TAFA1: variants seen among roughly 807,000 people sequenced by gnomAD.
The protein encoded by TAFA1 is TAFA chemokine like family member 1.
TAFA1 carries 4 observed loss-of-function variants against 18.5 expected under a neutral mutation model. The observed-to-expected ratio is 0.22, with a 90% CI of 0.11 to 0.49. TAFA1 has a LOEUF of 0.49. Ranked by LOEUF, TAFA1 falls within the 20% of genes least tolerant of loss-of-function variation. The pLI is 0.98. For synonymous variants in TAFA1, 56 were observed against 55.2 expected (o/e 1.01, Z -0.06); for missense variants, 147 against 169.0 (o/e 0.87, Z 0.72).
chr3:68,483,877 C>T (rs565048722), intron 3 of TAFA1, among the ~76,000 whole-genome samples: 50 of 152,320 alleles, frequency 3.3e-4, no homozygotes, highest in African/African-American at 1.2e-3. Context: ...GAGGCCAAGT[C>T]ACTTATAGCT....
At chr3:68,415,921 C>T (rs1394669026) in intron 2 of TAFA1, among the ~76,000 whole-genome samples, 6 of 152,154 alleles carry the variant, frequency 3.9e-5, no homozygotes, top group South Asian at 4.2e-4. Context: ...GAGACTCTTG[C>T]GTTTCTTTCA....
intron 2 of TAFA1, among the ~76,000 whole-genome samples, chr3:68,299,665 C>G (rs1179265150): frequency 6.6e-6 from 1 of 152,160 alleles, no homozygotes; most frequent in Non-Finnish European, 1.5e-5. Context: ...CACGGAAGTC[C>G]CTCCCATTAC....
At chr3:68,229,845 G>T (rs937252183) in intron 2 of TAFA1, among the ~76,000 whole-genome samples, 10 of 152,066 alleles carry the variant, frequency 6.6e-5, no homozygotes, top group Non-Finnish European at 1.3e-4. Flanking sequence ...TCTATATAAC[G>T]GAGAGATATA....
chr3:68,234,400 G>A (rs1049633646), intron 2 of TAFA1, among the ~76,000 whole-genome samples: 1 of 152,092 alleles, frequency 6.6e-6, no homozygotes, highest in Non-Finnish European at 1.5e-5. Flanking sequence ...GAGGAGCGGG[G>A]AGCAACAGGG....
At chr3:68,267,649 A>G (rs528719193) in intron 2 of TAFA1, among the ~76,000 whole-genome samples, 52 of 152,048 alleles carry the variant, frequency 3.4e-4, no homozygotes, top group African/African-American at 1.1e-3. Flanking sequence ...GTTTTGTTCT[A>G]TCTTGCACAG....
chr3:68,115,274 C>T (rs971292364), intron 2 of TAFA1, among the ~76,000 whole-genome samples: 3 of 151,318 alleles, frequency 2.0e-5, no homozygotes, highest in African/African-American at 7.4e-5. Flanking sequence ...CATAATGAAA[C>T]TGTTAAAGAG....
chr3:68,140,386 C>G (rs886128379), intron 2 of TAFA1, among the ~76,000 whole-genome samples: 4 of 152,216 alleles, frequency 2.6e-5, no homozygotes, highest in African/African-American at 9.6e-5. Flanking sequence ...ACCTCCTCTT[C>G]TGGAAAGATT....
intron 3 of TAFA1, among the ~76,000 whole-genome samples, chr3:68,471,674 G>C (rs1379811847): frequency 6.6e-6 from 1 of 152,126 alleles, no homozygotes; most frequent in Non-Finnish European, 1.5e-5. Flanking sequence ...TGATTAGATG[G>C]TGCCCACCCA....
chr3:68,316,630 C>T (rs1046232196), intron 2 of TAFA1, among the ~76,000 whole-genome samples: 2 of 152,200 alleles, frequency 1.3e-5, no homozygotes, highest in South Asian at 4.2e-4. Context: ...TGAGTGAATT[C>T]TGAATTCATT....
At chr3:67,994,011 G>T in the TAFA1 span, among the ~76,000 whole-genome samples, 1 of 152,044 alleles carries the variant, frequency 6.6e-6, no homozygotes, top group Admixed American at 6.6e-5. Flanking sequence ...TTTTTTTCTT[G>T]GTTGGGGGTG....
At chr3:68,183,996 G>A (rs1263174216) in intron 2 of TAFA1, among the ~76,000 whole-genome samples, 2 of 152,042 alleles carry the variant, frequency 1.3e-5, no homozygotes, top group Admixed American at 6.6e-5. Context: ...CCTTCATTAC[G>A]ATTTAATGTA....
chr3:68,405,720 A>C (rs199772071), intron 2 of TAFA1, among the ~76,000 whole-genome samples: 6,704 of 132,776 alleles, frequency 0.05, 796 homozygotes, highest in African/African-American at 0.15. Context: ...AAAAAAAAAA[A>C]AAAAAAAAAA....
At chr3:68,362,975 G>A (rs1575805987) in intron 2 of TAFA1, among the ~76,000 whole-genome samples, 1 of 89,150 alleles carries the variant, frequency 1.1e-5, no homozygotes, top group East Asian at 5.2e-4. Flanking sequence ...GCCCTGTCTT[G>A]CAGGCTTTTT....
chr3:68,500,320 T>C (rs971899567), intron 3 of TAFA1, among the ~76,000 whole-genome samples: 2 of 152,128 alleles, frequency 1.3e-5, no homozygotes, highest in Non-Finnish European at 2.9e-5. Context: ...TTTTGTAAAA[T>C]ACAATAAAAA....
chr3:68,340,986 C>T (rs1369135714), intron 2 of TAFA1, among the ~76,000 whole-genome samples: 3 of 152,020 alleles, frequency 2.0e-5, no homozygotes, highest in Admixed American at 1.3e-4. Context: ...AGCATTAAAT[C>T]GTGGGTAAGA....
intron 3 of TAFA1, among the ~76,000 whole-genome samples, chr3:68,486,506 T>A (rs1026238355): frequency 2.6e-5 from 4 of 152,142 alleles, no homozygotes; most frequent in African/African-American, 9.7e-5. Context: ...TGGGTTCAAA[T>A]CTCAGCCTTA....
intron 2 of TAFA1, among the ~76,000 whole-genome samples, chr3:68,286,537 C>A (rs1015992626): frequency 6.6e-6 from 1 of 152,062 alleles, no homozygotes; most frequent in Non-Finnish European, 1.5e-5. Flanking sequence ...GAACTAGAGA[C>A]CCCGGAGGAT....
intron 2 of TAFA1, among the ~76,000 whole-genome samples, chr3:68,104,395 G>T (rs1007295609): frequency 1.3e-5 from 2 of 151,736 alleles, no homozygotes; most frequent in East Asian, 3.9e-4. Context: ...TATATTAACA[G>T]AAAAATTTAT....
chr3:68,067,198 C>G (rs2064689214), intron 2 of TAFA1, among the ~76,000 whole-genome samples: 1 of 152,102 alleles, frequency 6.6e-6, no homozygotes, highest in East Asian at 1.9e-4. Flanking sequence ...ACATTTTGGT[C>G]CTTGTTTTGA....
Sources: gnomAD v4.1 joint callset for allele counts (sites outside exome capture counted in the v4.1 genomes callset) on GRCh38, gnomAD v4.1.1 for gene constraint, MANE v1.5 for transcripts, NCBI Gene and HGNC (gene_info 2026-07-23, HGNC 2026-07-21) for gene names.